Variants in EPHA6 observed in about 807,000 individuals in gnomAD.
EPHA6 encodes the protein EPH receptor A6.
In EPHA6, 50 loss-of-function variants were observed where a neutral mutation model predicts 112.0. The ratio of observed to expected loss-of-function variants is 0.45; its 90% confidence interval spans 0.36 to 0.56. The LOEUF (loss-of-function observed/expected upper bound fraction) is 0.56. Ranked by LOEUF, EPHA6 falls within the 20% of genes least tolerant of loss-of-function variation. EPHA6 has a pLI of 0.00. For synonymous variants in EPHA6, 529 were observed against 490.7 expected (o/e 1.08, Z -1.03); for missense variants, 1,280 against 1,417.4 (o/e 0.90, Z 1.56).
chr3:97,643,132 A>G (rs1189561234), intron 14 of EPHA6, among the ~76,000 whole-genome samples: 1 of 152,078 alleles, frequency 6.6e-6, no homozygotes, highest in Non-Finnish European at 1.5e-5. Flanking sequence ...GTGGGGGCCA[A>G]TATTCAACAT....
chr3:97,111,161 T>G (rs1317388967), intron 3 of EPHA6, among the ~76,000 whole-genome samples: 1 of 152,134 alleles, frequency 6.6e-6, no homozygotes, highest in Non-Finnish European at 1.5e-5. Context: ...GATGTTTTCA[T>G]CATGTACAGA....
At chr3:97,653,444 C>T (rs574144831) in intron 14 of EPHA6, among the ~76,000 whole-genome samples, 27 of 152,012 alleles carry the variant, frequency 1.8e-4, no homozygotes, top group Admixed American at 8.5e-4. Flanking sequence ...CAAATAAAAA[C>T]GCAATAAGAT....
At chr3:97,739,537 T>C (rs966796473) in intron 16 of EPHA6, among the ~76,000 whole-genome samples, 1 of 152,124 alleles carries the variant, frequency 6.6e-6, no homozygotes, top group African/African-American at 2.4e-5. Context: ...TACTAACATA[T>C]TGGAAATTTC....
At chr3:97,590,048 G>C (rs917586079) in intron 11 of EPHA6, among the ~76,000 whole-genome samples, 67 of 152,234 alleles carry the variant, frequency 4.4e-4, no homozygotes, top group African/African-American at 1.6e-3. Context: ...AAGAATTGCT[G>C]TTTCTCCTGA....
intron 15 of EPHA6, among the ~76,000 whole-genome samples, chr3:97,724,169 A>C (rs2034651813): frequency 6.6e-6 from 1 of 152,200 alleles, no homozygotes; most frequent in Admixed American, 6.6e-5. Flanking sequence ...ATTTTAAATT[A>C]GTTTAAGAAA....
At chr3:97,027,031 A>C (rs1036722797) in intron 3 of EPHA6, among the ~76,000 whole-genome samples, 1 of 152,216 alleles carries the variant, frequency 6.6e-6, no homozygotes, top group African/African-American at 2.4e-5. Context: ...AAGACATGGA[A>C]TCAATCTAAA....
chr3:97,286,610 C>T (rs2080473204), intron 5 of EPHA6, among the ~76,000 whole-genome samples: 2 of 151,444 alleles, frequency 1.3e-5, no homozygotes. Flanking sequence ...TGTCCTTACA[C>T]CAATTCCATA....
intron 11 of EPHA6, among the ~76,000 whole-genome samples, chr3:97,580,502 C>T (rs927320903): frequency 1.3e-5 from 2 of 152,132 alleles, no homozygotes; most frequent in African/African-American, 2.4e-5. Flanking sequence ...CTTGACTCTC[C>T]TTCAATATTC....
intron 13 of EPHA6, among the ~76,000 whole-genome samples, chr3:97,614,467 T>C (rs2093746955): frequency 1.3e-5 from 2 of 149,928 alleles, no homozygotes; most frequent in Admixed American, 6.7e-5. Flanking sequence ...CCCAAGTAAC[T>C]GGAACTACAG....
Position 97,758,287 on chromosome 3 carries a change from CTATAA to C in EPHA6, c.*9592_*9596del, listed in dbSNP as rs1228934393. The stretch of plus-strand genomic sequence containing the variant: ...ACCATTAAATGCAATAATAAGGTAT[CTATAA>C]TATAACAATCAAAAATATCAGTCAA... On this transcript the variant is annotated 3_prime_UTR_variant, in exon 18 of 18. Transcript: ENST00000389672. Among the ~76,000 whole-genome samples the C allele has an allele frequency of 6.6e-6, 1 of 151,842 alleles. No homozygotes were observed. Among genetic ancestry groups the C allele is most frequent in the African/African-American group, 2.4e-5 (1 of 41,390 alleles).
intron 5 of EPHA6, among the ~76,000 whole-genome samples, chr3:97,317,084 G>A (rs376851523): frequency 6.6e-6 from 1 of 151,382 alleles, no homozygotes; most frequent in African/African-American, 2.4e-5. Flanking sequence ...ACACATATAT[G>A]TCTTTTCAAC....
chr3:97,475,502 A>G (rs1436156816), intron 8 of EPHA6, 42 bp downstream of exon 8: 18 of 1,373,940 alleles, frequency 1.3e-5, no homozygotes, highest in Non-Finnish European at 1.6e-5. Context: ...TTTATGAATA[A>G]CCACTCTTTT....
chr3:97,227,920 T>A (rs1192366142), intron 4 of EPHA6, among the ~76,000 whole-genome samples: 1 of 152,196 alleles, frequency 6.6e-6, no homozygotes, highest in African/African-American at 2.4e-5. Flanking sequence ...TTAGTTGTTA[T>A]GTCTAAACCA....
At chr3:97,001,877 C>G (rs1004523587) in intron 3 of EPHA6, among the ~76,000 whole-genome samples, 3 of 151,966 alleles carry the variant, frequency 2.0e-5, no homozygotes, top group Non-Finnish European at 2.9e-5. Context: ...GATTTATTCC[C>G]ATTATTGGAC....
At chr3:97,018,526 C>A (rs367554296) in intron 3 of EPHA6, among the ~76,000 whole-genome samples, 2 of 152,196 alleles carry the variant, frequency 1.3e-5, no homozygotes, top group African/African-American at 2.4e-5. Context: ...CCATAGGGCC[C>A]TTCCCTGCCT....
At chr3:97,712,345 A>T (rs1299295920) in intron 14 of EPHA6, among the ~76,000 whole-genome samples, 1 of 152,216 alleles carries the variant, frequency 6.6e-6, no homozygotes, top group African/African-American at 2.4e-5. Flanking sequence ...ACTGCTATCC[A>T]GATAAGAGTG....
intron 2 of EPHA6, among the ~76,000 whole-genome samples, chr3:96,911,645 ATAT>A (rs774856314): frequency 8.7e-4 from 133 of 152,122 alleles, no homozygotes; most frequent in Non-Finnish European, 1.4e-3. Flanking sequence ...TGTCTGTCTC[ATAT>A]TATTACTTAT....
rs139895754 is a variant in EPHA6, at chr3:97,071,303, G to C, written c.1114+83310G>C. 9.5e-3 allele frequency among the ~76,000 whole-genome samples: 1,448 copies of C among 152,012 alleles called. 28 individuals carry two copies. The highest frequency in any genetic ancestry group is 0.033 in the African/African-American group (1,359 of 41,488). ...CTTCCAACAAATAAAGATTACATGG[G>C]TTGACTTGTGTTTACCATAAAGATG... On this transcript the variant is annotated intron_variant, in intron 3 of 17. Transcript: ENST00000389672.
At chr3:97,558,593 T>TCC (rs2093146731) in intron 11 of EPHA6, among the ~76,000 whole-genome samples, 1 of 151,976 alleles carries the variant, frequency 6.6e-6, no homozygotes, top group African/African-American at 2.4e-5. Flanking sequence ...TATGCATGCA[T>TCC]ACACATGTAT....
Sources: allele counts gnomAD v4.1 joint callset (sites outside exome capture counted in the v4.1 genomes callset), GRCh38; gene constraint gnomAD v4.1.1; transcripts MANE v1.5; gene names NCBI Gene and HGNC (gene_info 2026-07-23, HGNC 2026-07-21).